The following UTRN variants were observed in gnomAD, a reference collection of about 807,000 sequenced individuals.
UTRN encodes the protein dystrophin-related protein 1.
Under a neutral mutation model 463.9 loss-of-function variants are expected in UTRN, and 283 were observed. The ratio of observed to expected loss-of-function variants is 0.61; its 90% confidence interval spans 0.55 to 0.67. The LOEUF is 0.67. Among genes scored for constraint, UTRN ranks in the 30% least tolerant of loss-of-function variants. UTRN has a pLI of 0.00. For missense variants in UTRN, 3,922 were observed against 4,084.3 expected (o/e 0.96, Z 1.08); for synonymous variants, 1,442 against 1,431.5 (o/e 1.01, Z -0.17).
At chr6:144,743,537 G>T (rs1225067143) in intron 54 of UTRN, among the ~76,000 whole-genome samples, 1 of 152,110 alleles carries the variant, frequency 6.6e-6, no homozygotes, top group Non-Finnish European at 1.5e-5. Flanking sequence ...TATTTTTCTA[G>T]CATGAGAAAA....
At chr6:144,709,060 C>T (rs140961496) in intron 53 of UTRN, among the ~76,000 whole-genome samples, 14 of 152,254 alleles carry the variant, frequency 9.2e-5, no homozygotes, top group South Asian at 2.1e-4. Flanking sequence ...ACCTAATCAC[C>T]GCTTAAAGGC....
At chr6:144,331,817 TC>T (rs1359580504) in intron 2 of UTRN, among the ~76,000 whole-genome samples, 2 of 152,192 alleles carry the variant, frequency 1.3e-5, no homozygotes, top group African/African-American at 4.8e-5. Context: ...AAGGAATGTT[TC>T]CCAGAGAAGT....
rs1399153922 is a variant in UTRN, at chr6:144,774,324, T to A, written c.8592T>A (p.Arg2864=). 2 of 1,602,758 alleles carry A rather than the reference T, an allele frequency of 1.2e-6. No homozygotes were observed. The highest frequency in any genetic ancestry group is 2.7e-5 in the African/African-American group (2 of 74,076). The stretch of plus-strand genomic sequence containing the variant: ...ATAATGTACGTTTTTCTGCCTACCG[T>A]ACAGCAATCAAAATCCGAAGACTAC... The part of the protein sequence containing the change: ...DLNNVRFSAY[R]TAIKIRRLQK... The change falls in exon 60 of 75, where the codon CGT becomes CGA. Residue 2864 remains arginine (R), a synonymous_variant. Transcript: ENST00000367545.
Position 144,531,130 on chromosome 6 carries a change from T to G in UTRN, c.5985T>G (p.Ala1995=), listed in dbSNP as rs1255943600. 6.2e-7 allele frequency: 1 copy of G among 1,614,038 alleles called. No homozygotes were observed. The highest frequency in any genetic ancestry group is 2.2e-5 in the East Asian group (1 of 44,856). Residue 1995 remains alanine, a synonymous_variant, in exon 42 of 75, where the codon GCT becomes GCG. Coordinates refer to ENST00000367545, the MANE Select transcript of UTRN (RefSeq NM_007124.3). ...LNDLTQWITE[A]EELLVDTCAP... is the part of the protein sequence containing the mutation. ...ACCTCACACAGTGGATAACAGAGGC[T>G]GAAGAATTACTGGTTGATACCTGTG...
chr6:144,656,448 G>T (rs1432804826), intron 51 of UTRN, among the ~76,000 whole-genome samples: 2 of 152,134 alleles, frequency 1.3e-5, no homozygotes, highest in Non-Finnish European at 2.9e-5. Flanking sequence ...TCTCACTCTG[G>T]TTGCCCCAGC....
chr6:144,419,703 G>A (rs1784660996), intron 3 of UTRN, among the ~76,000 whole-genome samples: 1 of 152,134 alleles, frequency 6.6e-6, no homozygotes, highest in Admixed American at 6.5e-5. Flanking sequence ...ACTAAATAAA[G>A]TCTAGTTCAA....
chr6:144,772,194 CA>C (rs1794146411), intron 59 of UTRN, among the ~76,000 whole-genome samples: 1 of 151,602 alleles, frequency 6.6e-6, no homozygotes, highest in Non-Finnish European at 1.5e-5. Flanking sequence ...CCGCCACTCC[CA>C]GCTAATTTTT....
chr6:144,323,595 T>C lies in UTRN; in HGVS notation c.79+31688T>C, dbSNP rs180985337. Among the ~76,000 whole-genome samples, 12 of 152,354 alleles carry C rather than the reference T, an allele frequency of 7.9e-5. No homozygotes were observed. The East Asian group carries it at 2.3e-3, about 29-fold the overall frequency. On this transcript the variant is annotated intron_variant, in intron 2 of 74. Transcript: ENST00000367545. ...TTACTTTTATCTTTTCCTTAAGCTT[T>C]CTCAAAAACATTAAGGTTTAAAGAA...
chr6:144,626,720 A>G (rs531954617), intron 51 of UTRN, among the ~76,000 whole-genome samples: 46 of 152,120 alleles, frequency 3.0e-4, no homozygotes, highest in Admixed American at 1.0e-3. Flanking sequence ...GCTCGCTGCA[A>G]CCTCTGCCTC....
chr6:144,729,577 A>G (rs1471188540), intron 53 of UTRN, among the ~76,000 whole-genome samples: 1 of 152,226 alleles, frequency 6.6e-6, no homozygotes, highest in Non-Finnish European at 1.5e-5. Context: ...AACAAATTCC[A>G]TTTGGCAACA....
intron 2 of UTRN, among the ~76,000 whole-genome samples, chr6:144,371,673 G>T (rs1040724236): frequency 1.3e-5 from 2 of 152,206 alleles, no homozygotes; most frequent in South Asian, 2.1e-4. Flanking sequence ...CTCCCAAAGC[G>T]CTGGGATTAC....
chr6:144,429,448 A>G, intron 8 of UTRN, 133 bp from the exon 9 acceptor site: 1 of 684,002 alleles, frequency 1.5e-6, no homozygotes, highest in Non-Finnish European at 2.3e-6. Flanking sequence ...GTGGCAATTT[A>G]CTGGTATTGC....
chr6:144,516,082 A>G (rs755230258), intron 37 of UTRN, 147 bp from the exon 38 acceptor site: 2 of 775,936 alleles, frequency 2.6e-6, no homozygotes, highest in Non-Finnish European at 4.1e-6. Context: ...TCATTGCCAT[A>G]TAAATGAATG....
rs1010880078 is a variant in UTRN, at chr6:144,286,084, G to A, written c.-93+263G>A. Among the ~76,000 whole-genome samples the A allele has an allele frequency of 3.2e-4, 48 of 151,420 alleles. No individual in the cohort carries two copies. The highest frequency in any genetic ancestry group is 1.2e-3 in the African/African-American group (48 of 41,242). ...TCGGGCGTGGAGGTCCTTGGGATCCGTACTAGTTGTGAACGATCCAAACTT... is the reference window on the plus strand; with the variant it reads ...TCGGGCGTGGAGGTCCTTGGGATCCATACTAGTTGTGAACGATCCAAACTT... On this transcript the variant is annotated intron_variant, in intron 1 of 74. Coordinates refer to ENST00000367545, the MANE Select transcript of UTRN (RefSeq NM_007124.3). The surrounding 1 kb of genome is among the most constrained non-coding windows in gnomAD (Gnocchi z 4.4).
intron 64 of UTRN, among the ~76,000 whole-genome samples, chr6:144,798,603 A>AG (rs1333603453): frequency 6.6e-6 from 1 of 152,168 alleles, no homozygotes; most frequent in East Asian, 1.9e-4. Flanking sequence ...CTCTTAACAT[A>AG]GGTATGCATT....
rs377184089 is a variant in UTRN, at chr6:144,291,319, C to T, written c.-92-418C>T. ...TGCTCCATGATTCTTTCTGCCACTT[C>T]ACATAGGAAGCTCTTACCTTTTCTC... On this transcript the variant is annotated intron_variant, in intron 1 of 74. Coordinates refer to ENST00000367545, the MANE Select transcript of UTRN (RefSeq NM_007124.3). Among the ~76,000 whole-genome samples, 18 of 152,328 alleles carry T rather than the reference C, an allele frequency of 1.2e-4. No individual in the cohort carries two copies. In the South Asian group the frequency reaches 3.7e-3, roughly 32 times the overall value.
In UTRN at chr6:144,364,536, T is replaced by A. The variant is rs1330773587; in HGVS notation, c.80-38587T>A. On this transcript the variant is annotated intron_variant, in intron 2 of 74. Transcript: ENST00000367545. ...CCCACTTCGCGTTTTTACTTCTGAT[T>A]TTCTGTTTCCCAATTTGTGATTCAC... Among the ~76,000 whole-genome samples, 15 of 152,328 alleles carry A rather than the reference T, an allele frequency of 9.8e-5. No homozygotes were observed. In the South Asian group the frequency reaches 1.0e-3, roughly 11 times the overall value.
At chr6:144,625,220 G>A (rs73005523) in intron 51 of UTRN, among the ~76,000 whole-genome samples, 5,800 of 152,318 alleles carry the variant, frequency 0.038, 161 homozygotes, top group Non-Finnish European at 0.064. Flanking sequence ...AGCCACAGCA[G>A]ACTTCTGTAA....
intron 53 of UTRN, chr6:144,706,734 C>G (rs1348728748): frequency 6.6e-6 from 1 of 152,232 alleles, no homozygotes; most frequent in East Asian, 1.9e-4. Context: ...CAGAGATACT[C>G]ATCCCACTGT....
Sources: gnomAD v4.1 joint callset for allele counts (sites outside exome capture counted in the v4.1 genomes callset) on GRCh38, gnomAD v4.1.1 for gene constraint, Gnocchi (gnomAD v3.1) non-coding constraint, MANE v1.5 for transcripts, NCBI Gene and HGNC (gene_info 2026-07-23, HGNC 2026-07-21) for gene names.